The following CRIM1 variants were observed in gnomAD, a reference collection of about 807,000 sequenced individuals.
The protein encoded by CRIM1 is cysteine rich transmembrane BMP regulator 1, also known as cysteine-rich motor neuron 1 protein.
Under a neutral mutation model 116.4 loss-of-function variants are expected in CRIM1, and 32 were observed. The ratio of observed to expected loss-of-function variants is 0.27; its 90% CI spans 0.21 to 0.37. The LOEUF is 0.37. Among genes scored for constraint, CRIM1 ranks in the 10% least tolerant of loss-of-function variants. CRIM1 has a pLI of 1.00. For synonymous variants in CRIM1, 590 were observed against 509.2 expected (o/e 1.16, Z -2.13); for missense variants, 1,331 against 1,354.8 (o/e 0.98, Z 0.28).
chr2:36,512,170 C>G, intron 9 of CRIM1, 103 bp from the exon 10 acceptor site: 1 of 1,338,154 alleles, frequency 7.5e-7, no homozygotes, highest in East Asian at 2.4e-5. Context: ...TCAAGTCATT[C>G]TGTTTAATAG....
chr2:36,545,594 G>A (rs1284104794), intron 15 of CRIM1, among the ~76,000 whole-genome samples: 5 of 152,202 alleles, frequency 3.3e-5, no homozygotes, highest in East Asian at 1.9e-4. Context: ...ATTGTGAATC[G>A]TATTAAAGAC....
chr2:36,510,164 GC>G (rs1260770049), intron 9 of CRIM1, 25 bp downstream of exon 9: 2 of 1,603,002 alleles, frequency 1.2e-6, no homozygotes, highest in African/African-American at 2.7e-5. Context: ...ATTCAGAAAA[GC>G]TATTATGAAG....
At chr2:36,428,906 G>A (rs1037872475) in intron 2 of CRIM1, among the ~76,000 whole-genome samples, 9 of 152,200 alleles carry the variant, frequency 5.9e-5, no homozygotes, top group African/African-American at 2.2e-4. Flanking sequence ...CAGTCACCCA[G>A]AATAAAGACA....
At chr2:36,474,753 C>T (rs1483841417) in intron 5 of CRIM1, among the ~76,000 whole-genome samples, 1 of 146,396 alleles carries the variant, frequency 6.8e-6, no homozygotes, top group African/African-American at 2.5e-5. Context: ...GAGGCTGAGG[C>T]AGGAGAATCA....
At chr2:36,521,748 G>A (rs893917869) in intron 12 of CRIM1, among the ~76,000 whole-genome samples, 1 of 152,134 alleles carries the variant, frequency 6.6e-6, no homozygotes, top group African/African-American at 2.4e-5. Context: ...CTAGTTTCAA[G>A]GGAGCCTAGG....
At chr2:36,443,854 G>T (rs114660901) in intron 4 of CRIM1, among the ~76,000 whole-genome samples, 170 of 152,248 alleles carry the variant, frequency 1.1e-3, no homozygotes, top group Admixed American at 3.0e-3. Flanking sequence ...GTCAAACCTA[G>T]TATTCTCTAA....
chr2:36,446,928 A>G (rs538569421), intron 4 of CRIM1, among the ~76,000 whole-genome samples: 2 of 152,256 alleles, frequency 1.3e-5, no homozygotes, highest in Non-Finnish European at 2.9e-5. Flanking sequence ...GCTGCTGTGC[A>G]TAAGAGAATT....
At chr2:36,363,854 G>T (rs370571063) in intron 1 of CRIM1, among the ~76,000 whole-genome samples, 2 of 152,136 alleles carry the variant, frequency 1.3e-5, no homozygotes, top group African/African-American at 4.8e-5. Flanking sequence ...GACGCCATGG[G>T]GGCTATGGTT....
intron 2 of CRIM1, among the ~76,000 whole-genome samples, chr2:36,435,660 G>A (rs1056739200): frequency 6.6e-6 from 1 of 151,320 alleles, no homozygotes; most frequent in Non-Finnish European, 1.5e-5. Context: ...AACAGCGATT[G>A]CTTTTGCACC....
intron 1 of CRIM1, among the ~76,000 whole-genome samples, chr2:36,362,831 C>T (rs1419737438): frequency 6.6e-6 from 1 of 152,152 alleles, no homozygotes; most frequent in African/African-American, 2.4e-5. Flanking sequence ...GTATCAATTC[C>T]TTACCTCCCT....
intron 1 of CRIM1, among the ~76,000 whole-genome samples, chr2:36,388,054 G>C (rs1322626426): frequency 6.7e-6 from 1 of 149,644 alleles, no homozygotes; most frequent in Non-Finnish European, 1.5e-5. Context: ...TACTTCCACT[G>C]TTCTTCATTT....
In CRIM1 at chr2:36,442,711, A is replaced by G. The variant is rs765347542; in HGVS notation, c.845A>G (p.Asp282Gly). 1.2e-6 allele frequency: 2 copies of G among 1,614,010 alleles called. No homozygotes were observed. The highest frequency in any genetic ancestry group is 2.7e-5 in the African/African-American group (2 of 74,910). The change falls in exon 4 of 17, where the codon GAT becomes GGT. Residue 282 changes from aspartate to glycine, a missense_variant. Around this residue, in one of 3 missense-constraint regions of CRIM1, gnomAD observed 690 missense variants for 676.0 expected, o/e 1.02. Coordinates refer to ENST00000280527, the MANE Select transcript of CRIM1 (RefSeq NM_016441.3). Reference protein sequence around the residue: ...SYETQVRLTADGCCTLPTRCE... With the variant: ...SYETQVRLTAGGCCTLPTRCE... ...GAAACTCAAGTCAGACTAACTGCAGATGGTTGCTGTACTTTGCCAACAAGG... is the reference window on the plus strand; with the variant it reads ...GAAACTCAAGTCAGACTAACTGCAGGTGGTTGCTGTACTTTGCCAACAAGG...
At position 36,512,407 on chromosome 2, in the gene CRIM1, ACATGGCC is replaced by A. The variant is rs760614541; in HGVS notation, c.1780+15_1780+21del. On this transcript the variant is annotated intron_variant, in intron 10 of 16. Coordinates refer to ENST00000280527, the MANE Select transcript of CRIM1 (RefSeq NM_016441.3). The stretch of plus-strand genomic sequence containing the variant: ...TGCAAGTGCAGAGGTAAGTGTGTAC[ACATGGCC>A]CTTCCCCCTCAAAGCAGCCAGGGGC... The A allele has an allele frequency of 4.4e-6, 7 of 1,599,184 alleles. No individual in the cohort carries two copies. Among genetic ancestry groups the A allele is most frequent in the Non-Finnish European group, 5.1e-6 (6 of 1,168,024 alleles).
intron 7 of CRIM1, among the ~76,000 whole-genome samples, chr2:36,492,378 G>T (rs553472032): frequency 2.1e-4 from 32 of 152,256 alleles, no homozygotes; most frequent in African/African-American, 7.7e-4. Flanking sequence ...AACCGTAAGA[G>T]ACTTTTTTCC....
chr2:36,366,192 G>C (rs1213095165), intron 1 of CRIM1, among the ~76,000 whole-genome samples: 1 of 152,130 alleles, frequency 6.6e-6, no homozygotes, highest in African/African-American at 2.4e-5. Flanking sequence ...GGAATCAGTG[G>C]TTTACAACTT....
intron 14 of CRIM1, among the ~76,000 whole-genome samples, chr2:36,543,527 G>A (rs1018688675): frequency 4.6e-5 from 7 of 152,152 alleles, no homozygotes; most frequent in Non-Finnish European, 1.0e-4. Context: ...AATATGGCAG[G>A]ATCTGCCCGA....
At chr2:36,396,982 G>A (rs1277257698) in intron 2 of CRIM1, among the ~76,000 whole-genome samples, 195 bp downstream of exon 2, 1 of 152,128 alleles carries the variant, frequency 6.6e-6, no homozygotes, top group Non-Finnish European at 1.5e-5. Context: ...ATGGAATGGC[G>A]GTGCTGTGGT....
chr2:36,468,596 A>C lies in CRIM1; in HGVS notation c.991+3941A>C, dbSNP rs76089532. Reference sequence around the variant, plus strand: ...GTCATCAAAATCATCACCTAGAAATATGACCTCCAAAGCAGTGTTGTAACA... The same window carrying C: ...GTCATCAAAATCATCACCTAGAAATCTGACCTCCAAAGCAGTGTTGTAACA... On this transcript the variant is annotated intron_variant, in intron 5 of 16. Transcript: ENST00000280527. Among the ~76,000 whole-genome samples, 634 of 152,302 alleles carry C rather than the reference A, an allele frequency of 4.2e-3. 7 individuals carry two copies. Among genetic ancestry groups the C allele is most frequent in the African/African-American group, 0.014 (601 of 41,564 alleles).
chr2:36,516,524 C>T (rs528822343), intron 11 of CRIM1, among the ~76,000 whole-genome samples: 1 of 152,312 alleles, frequency 6.6e-6, no homozygotes, highest in East Asian at 1.9e-4. Flanking sequence ...ACCAAAACTA[C>T]CTCTCCTCTG....
Sources: gnomAD v4.1 joint callset for allele counts (sites outside exome capture counted in the v4.1 genomes callset) on GRCh38, gnomAD v4.1.1 for gene constraint, gnomAD v4.1.1 regional missense constraint, MANE v1.5 for transcripts, NCBI Gene and HGNC (gene_info 2026-07-23, HGNC 2026-07-21) for gene names.